SAMD7: variants seen among roughly 807,000 people sequenced by gnomAD.
The protein encoded by SAMD7 is sterile alpha motif domain-containing protein 7.
SAMD7 carries 34 observed loss-of-function variants against 36.7 expected under a neutral mutation model. The observed-to-expected ratio is 0.93, with a 90% confidence interval of 0.71 to 1.23. The LOEUF (loss-of-function observed/expected upper bound fraction) is 1.23, where lower values mean the gene tolerates loss of function less well. Ranked by LOEUF, SAMD7 falls within the 50% of genes most tolerant of loss-of-function variation. The probability of loss-of-function intolerance (pLI) is 0.00; values close to 1 mark genes in which losing one functional copy is unlikely to be tolerated. For missense variants in SAMD7, 570 were observed against 546.6 expected, an observed-to-expected ratio of 1.04 and a Z score of -0.43; for synonymous variants, 188 against 189.7, an observed-to-expected ratio of 0.99 and a Z score of 0.07.
intron 4 of SAMD7, among the ~76,000 whole-genome samples, chr3:169,923,060 C>G (rs1404822920): frequency 2.6e-5 from 4 of 152,170 alleles, no homozygotes; most frequent in African/African-American, 9.7e-5. Flanking sequence ...TGTTGAAGCT[C>G]AAACTGGTGT....
Position 169,927,047 on chromosome 3 carries a change from C to G in SAMD7, c.785C>G (p.Pro262Arg). Residue 262 changes from proline to arginine, a missense_variant, in exon 6 of 9, where the codon CCC becomes CGC. Coordinates refer to ENST00000335556, the MANE Select transcript of SAMD7 (RefSeq NM_001304366.2). ...GAGCTCGAGCCCACCCATAGGAAACCCTGGGGGTCTCACACCACTACCCTG... is the reference window on the plus strand; with the variant it reads ...GAGCTCGAGCCCACCCATAGGAAACGCTGGGGGTCTCACACCACTACCCTG... ...CGELEPTHRK[P>R]WGSHTTTLKA... The G allele has an allele frequency of 6.2e-7, 1 of 1,611,936 alleles. No individual in the cohort carries two copies. The highest frequency in any genetic ancestry group is 8.5e-7 in the Non-Finnish European group (1 of 1,179,390).
intron 7 of SAMD7, chr3:169,932,666 G>T: frequency 1.8e-6 from 1 of 555,316 alleles, no homozygotes. Context: ...GGAAAAATCT[G>T]TCACACTTTG....
At chr3:169,930,745 C>T (rs1428800208) in intron 7 of SAMD7, among the ~76,000 whole-genome samples, 1 of 151,926 alleles carries the variant, frequency 6.6e-6, no homozygotes, top group East Asian at 1.9e-4. Context: ...CCACGCCTGG[C>T]TAATTTTTTG....
chr3:169,933,630 T>A (rs1362389326), intron 7 of SAMD7, among the ~76,000 whole-genome samples: 1 of 152,202 alleles, frequency 6.6e-6, no homozygotes, highest in Non-Finnish European at 1.5e-5. Context: ...TGGAAAAATA[T>A]ATGTATACAT....
chr3:169,925,169 A>G, intron 5 of SAMD7, 33 bp downstream of exon 5: 2 of 1,395,700 alleles, frequency 1.4e-6, no homozygotes, highest in Non-Finnish European at 2.0e-6. Context: ...TTTATTCTCT[A>G]TTCATTCACT....
At chr3:169,913,173 A>G (rs566037468) in intron 1 of SAMD7, among the ~76,000 whole-genome samples, 124 of 152,318 alleles carry the variant, frequency 8.1e-4, no homozygotes, top group African/African-American at 2.8e-3. Flanking sequence ...ACATACAAAA[A>G]CTTACCAGAT....
chr3:169,926,835 A>G lies in SAMD7; in HGVS notation c.573A>G (p.Gln191=). Reference sequence around the variant, plus strand: ...GACTCAGGAAAAATACAGGGAATCAAAAAGCTCTAGACAGTGATGCTGAGA... The same window carrying G: ...GACTCAGGAAAAATACAGGGAATCAGAAAGCTCTAGACAGTGATGCTGAGA... The part of the protein sequence containing the change: ...CRRLRKNTGN[Q]KALDSDAESS... The change falls in exon 6 of 9, where the codon CAA becomes CAG. Residue 191 remains glutamine, a synonymous_variant. Transcript: ENST00000335556. 6.2e-7 allele frequency: 1 copy of G among 1,613,952 alleles called. No homozygotes were observed. The highest frequency in any genetic ancestry group is 1.1e-5 in the South Asian group (1 of 91,070).
rs1245764754 is a variant in SAMD7 at position 169,928,516 on chromosome 3, T to C, written c.979T>C (p.Trp327Arg). ...NLSLDEDIQKWTVDDVHSFIR... is the reference protein window; with the variant it reads ...NLSLDEDIQKRTVDDVHSFIR... ...TTCTTTGGATGAAGATATTCAGAAG[T>C]GGACCGTGGATGATGTGCACAGCTT... The change falls in exon 7 of 9, where the codon TGG becomes CGG. Residue 327 changes from tryptophan (W) to arginine (R), a missense_variant. By Grantham distance (101) the Trp-to-Arg change is moderately radical. Transcript: ENST00000335556. 19 of 1,613,742 alleles carry C rather than the reference T, an allele frequency of 1.2e-5. No homozygotes were observed. Among genetic ancestry groups the C allele is most frequent in the Non-Finnish European group, 1.6e-5 (19 of 1,179,722 alleles).
intron 1 of SAMD7, among the ~76,000 whole-genome samples, chr3:169,912,156 A>C (rs553676153): frequency 2.0e-5 from 3 of 152,196 alleles, no homozygotes; most frequent in Non-Finnish European, 2.9e-5. Context: ...ATTATCTTCA[A>C]ACAGATGAAG....
intron 1 of SAMD7, among the ~76,000 whole-genome samples, chr3:169,912,574 G>C (rs915370947): frequency 5.9e-5 from 9 of 152,250 alleles, no homozygotes; most frequent in Admixed American, 5.9e-4. Flanking sequence ...CTTCTTTAAT[G>C]ATGTCAAAGG....
At position 169,936,402 on chromosome 3, in the gene SAMD7, G is replaced by A; in HGVS notation, c.1105G>A (p.Gly369Ser). ...LPLLTEEHLR[G>S]TMGLKLGPAL... ...ATTACTCACAGAAGAGCATCTTCGA[G>A]GCACTATGGGATTAAAGCTAGGGCC... is the stretch of plus-strand genomic sequence containing the variant. Residue 369 changes from glycine to serine, a missense_variant, in exon 8 of 9, where the codon GGC becomes AGC. Gly to Ser is a moderately conservative substitution (Grantham distance 56). Coordinates refer to ENST00000335556, the MANE Select transcript of SAMD7 (RefSeq NM_001304366.2). 6.2e-7 allele frequency: 1 copy of A among 1,613,696 alleles called. No homozygotes were observed. The highest frequency in any genetic ancestry group is 8.5e-7 in the Non-Finnish European group (1 of 1,179,726).
chr3:169,933,081 GC>G, intron 7 of SAMD7: 1 of 903,952 alleles, frequency 1.1e-6, no homozygotes, highest in Non-Finnish European at 1.8e-6. Flanking sequence ...ATCTGCCATG[GC>G]CCATGACCCC....
intron 7 of SAMD7, among the ~76,000 whole-genome samples, chr3:169,934,449 G>A (rs1448427919): frequency 6.6e-6 from 1 of 152,034 alleles, no homozygotes. Context: ...ACCTTCATAA[G>A]AACAAAAAAT....
intron 1 of SAMD7, among the ~76,000 whole-genome samples, chr3:169,912,268 A>G (rs1217626282): frequency 2.0e-5 from 3 of 152,198 alleles, no homozygotes; most frequent in African/African-American, 4.8e-5. Context: ...GTCATGATGT[A>G]TGAACCATGA....
In SAMD7 at chr3:169,926,803, TGTC is replaced by T. The variant is rs1434623610; in HGVS notation, c.546_548del (p.Arg183del). On this transcript the variant is annotated inframe_deletion, in exon 6 of 9. Coordinates refer to ENST00000335556, the MANE Select transcript of SAMD7 (RefSeq NM_001304366.2). ...CTTTGAGGAGAGCTGGGGGCAGAGA[TGTC>T]GTCGACTCAGGAAAAATACAGGGAA... 4.3e-6 allele frequency: 7 copies of T among 1,613,740 alleles called. No individual in the cohort carries two copies. The highest frequency in any genetic ancestry group is 1.3e-5 in the African/African-American group (1 of 74,780).
At chr3:169,926,346 C>T in intron 5 of SAMD7, 1 of 1,281,368 alleles carries the variant, frequency 7.8e-7, no homozygotes. Context: ...AAAGACTGGC[C>T]TTTGGACTTC....
chr3:169,914,782 G>T (rs1387192884), intron 1 of SAMD7, among the ~76,000 whole-genome samples: 1 of 152,012 alleles, frequency 6.6e-6, no homozygotes, highest in Non-Finnish European at 1.5e-5. Context: ...AAAAAATCCT[G>T]CTGTTTTGTT....
chr3:169,938,305 T>C lies in SAMD7; in HGVS notation c.1153-13T>C, dbSNP rs754147489. On this transcript the variant is annotated splice_polypyrimidine_tract_variant and intron_variant, in intron 8 of 8. Transcript: ENST00000335556. ...TCATAGAATTGATTACTATAATTAT[T>C]TTGTCTTAAAAGGTATCTCAGCATG... The C allele has an allele frequency of 6.4e-7, 1 of 1,552,508 alleles. No individual in the cohort carries two copies. Among genetic ancestry groups the C allele is most frequent in the South Asian group, 1.2e-5 (1 of 86,396 alleles).
At chr3:169,930,151 A>G (rs911382460) in intron 7 of SAMD7, among the ~76,000 whole-genome samples, 1 of 152,248 alleles carries the variant, frequency 6.6e-6, no homozygotes. Context: ...CATGCTTTTC[A>G]TAGTTTAAAA....
Sources: allele counts gnomAD v4.1 joint callset (sites outside exome capture counted in the v4.1 genomes callset), GRCh38; gene constraint gnomAD v4.1.1; transcripts MANE v1.5; gene names NCBI Gene and HGNC (gene_info 2026-07-23, HGNC 2026-07-21).